EYA2: variants seen among roughly 807,000 people sequenced by gnomAD.
EYA2 encodes the protein EYA transcriptional coactivator and phosphatase 2.
A neutral mutation model predicts 69.2 loss-of-function variants in EYA2; 31 were observed. The observed-to-expected ratio is 0.45, with a 90% CI of 0.34 to 0.60. EYA2 has a LOEUF of 0.60. EYA2 is among the 20% of genes least tolerant of loss of function. EYA2 has a pLI of 0.02. For missense variants in EYA2, 622 were observed against 701.2 expected (o/e 0.89, Z 1.28); for synonymous variants, 257 against 279.4 (o/e 0.92, Z 0.80).
At chr20:47,168,804 G>C (rs911525312) in intron 10 of EYA2, among the ~76,000 whole-genome samples, 1 of 152,178 alleles carries the variant, frequency 6.6e-6, no homozygotes, top group Non-Finnish European at 1.5e-5. Flanking sequence ...TTGGGAAGCT[G>C]GGGACCTAGG....
At chr20:47,073,810 C>T (rs919679066) in intron 6 of EYA2, among the ~76,000 whole-genome samples, 1 of 152,070 alleles carries the variant, frequency 6.6e-6, no homozygotes, top group African/African-American at 2.4e-5. Context: ...CCCCTCCACT[C>T]CCTTGACCCG....
chr20:47,085,245 G>C (rs928726955), intron 7 of EYA2, among the ~76,000 whole-genome samples: 3 of 152,122 alleles, frequency 2.0e-5, no homozygotes, highest in Non-Finnish European at 4.4e-5. Context: ...AATGTTCATA[G>C]CAGCCTTATT....
intron 5 of EYA2, among the ~76,000 whole-genome samples, chr20:47,017,685 G>A (rs1983493650): frequency 6.6e-6 from 1 of 152,118 alleles, no homozygotes; most frequent in Non-Finnish European, 1.5e-5. Flanking sequence ...CCATGAGCCA[G>A]CCTTGACCAA....
intron 4 of EYA2, among the ~76,000 whole-genome samples, chr20:47,008,930 T>C (rs1444898383): frequency 6.6e-6 from 1 of 152,240 alleles, no homozygotes; most frequent in Non-Finnish European, 1.5e-5. Context: ...GTAAATACTT[T>C]CTACTTTGTG....
chr20:46,932,206 C>T (rs1269053157), intron 1 of EYA2, among the ~76,000 whole-genome samples: 2 of 152,016 alleles, frequency 1.3e-5, no homozygotes, highest in Admixed American at 1.3e-4. Flanking sequence ...CCCCCATCCC[C>T]GGGTTTGCAC....
rs531002107 is a variant in EYA2 at position 46,988,134 on chromosome 20, T to C, written c.-10-1867T>C. Among the ~76,000 whole-genome samples the C allele has an allele frequency of 4.0e-5, 6 of 149,196 alleles. No individual in the cohort carries two copies. The South Asian group carries it at 1.3e-3, about 32-fold the overall frequency. ...GATTTAAAGTATATGGGAGGATGTATGTGGGTTATATGCAAATACTCTACC... is the reference window on the plus strand; with the variant it reads ...GATTTAAAGTATATGGGAGGATGTACGTGGGTTATATGCAAATACTCTACC... On this transcript the variant is annotated intron_variant, in intron 1 of 15. Transcript: ENST00000327619.
intron 5 of EYA2, among the ~76,000 whole-genome samples, chr20:47,054,615 C>G (rs2146441401): frequency 6.6e-6 from 1 of 152,182 alleles, no homozygotes; most frequent in Non-Finnish European, 1.5e-5. Flanking sequence ...CCCTCTTTGC[C>G]CAGCACCCAA....
chr20:47,100,982 G>A (rs547883451), intron 9 of EYA2, among the ~76,000 whole-genome samples: 1 of 152,324 alleles, frequency 6.6e-6, no homozygotes, highest in African/African-American at 2.4e-5. Flanking sequence ...ATAAATCATA[G>A]CTTACCCCCA....
chr20:47,039,302 A>G (rs1019521847), intron 5 of EYA2, among the ~76,000 whole-genome samples: 3 of 152,212 alleles, frequency 2.0e-5, no homozygotes, highest in Admixed American at 6.5e-5. Context: ...AAAGAAGAAT[A>G]ATATTTCATG....
chr20:47,025,035 A>G (rs1324371039), intron 5 of EYA2, among the ~76,000 whole-genome samples: 1 of 152,158 alleles, frequency 6.6e-6, no homozygotes, highest in African/African-American at 2.4e-5. Context: ...TGGGAGAACT[A>G]ATTTTGCAAT....
chr20:47,068,950 C>CT (rs747967628), intron 5 of EYA2, among the ~76,000 whole-genome samples: 2 of 152,194 alleles, frequency 1.3e-5, no homozygotes, highest in Non-Finnish European at 2.9e-5. Flanking sequence ...GCGGTTGCTG[C>CT]TTTAAAACCT....
chr20:46,962,383 G>A (rs1979528981), intron 1 of EYA2, among the ~76,000 whole-genome samples: 1 of 152,070 alleles, frequency 6.6e-6, no homozygotes, highest in Non-Finnish European at 1.5e-5. Context: ...GAGGTGATAG[G>A]TATGCTAATT....
rs60383949 is a variant in EYA2, at chr20:47,078,331, GCACACACACA to G, written c.661+4019_661+4028del. ...CACATGTGCACGTGCGCGCGCGCGCGCACACACACACACACACACACACACACACACATTC... is the reference window on the plus strand; with the variant it reads ...CACATGTGCACGTGCGCGCGCGCGCGCACACACACACACACACACACATTC... On this transcript the variant is annotated intron_variant, in intron 7 of 15. Transcript: ENST00000327619. 3.0e-3 allele frequency among the ~76,000 whole-genome samples: 376 copies of G among 123,830 alleles called. 1 individual carries two copies. The highest frequency in any genetic ancestry group is 9.9e-3 in the African/African-American group (352 of 35,612). 81.2% of individuals were successfully genotyped at this position (123,830 alleles called of 152,430 possible).
chr20:47,123,861 A>G (rs1262798789), intron 9 of EYA2, among the ~76,000 whole-genome samples: 4 of 152,016 alleles, frequency 2.6e-5, no homozygotes, highest in Admixed American at 2.0e-4. Context: ...ACCTGGTGGC[A>G]CACACCTGTA....
At chr20:47,118,321 C>T (rs1160281146) in intron 9 of EYA2, among the ~76,000 whole-genome samples, 1 of 152,144 alleles carries the variant, frequency 6.6e-6, no homozygotes, top group South Asian at 2.1e-4. Context: ...TTGGGCTTCT[C>T]CAGCAGTGAT....
intron 9 of EYA2, among the ~76,000 whole-genome samples, chr20:47,098,390 A>G (rs1338542331): frequency 6.6e-6 from 1 of 152,208 alleles, no homozygotes; most frequent in East Asian, 1.9e-4. Flanking sequence ...GGTTTTCCTA[A>G]CCACTCCTGT....
Position 47,172,867 on chromosome 20 carries a change from G to A in EYA2, c.1198G>A (p.Gly400Arg). ...MYNTYKNNVGGLIGTPKRETW... is the reference protein window; with the variant it reads ...MYNTYKNNVGRLIGTPKRETW... Reference sequence around the variant, plus strand: ...CAATACCTACAAGAACAACGTTGGTGGTGAGTACTGTGAGCCTTGGGCCTC... The same window carrying A: ...CAATACCTACAAGAACAACGTTGGTAGTGAGTACTGTGAGCCTTGGGCCTC... Residue 400 changes from glycine (G) to arginine (R), a missense_variant and splice_region_variant, in exon 12 of 16, where the codon GGG (glycine) becomes AGG (arginine). Physicochemically the swap from Gly to Arg is moderately radical, Grantham distance 125 (BLOSUM62 -2). Transcript: ENST00000327619. 6.2e-7 allele frequency: 1 copy of A among 1,609,178 alleles called. No homozygotes were observed. Among genetic ancestry groups the A allele is most frequent in the Non-Finnish European group, 8.5e-7 (1 of 1,177,212 alleles).
intron 9 of EYA2, among the ~76,000 whole-genome samples, chr20:47,109,261 C>A (rs896534643): frequency 2.0e-5 from 3 of 152,038 alleles, no homozygotes; most frequent in African/African-American, 7.2e-5. Context: ...CACTCACTAT[C>A]AATTTTATTA....
At chr20:46,994,864 A>G (rs1052057933) in intron 2 of EYA2, among the ~76,000 whole-genome samples, 1 of 151,598 alleles carries the variant, frequency 6.6e-6, no homozygotes, top group Non-Finnish European at 1.5e-5. Flanking sequence ...TTTCTGGCGT[A>G]TATTCAGACC....
Sources: gnomAD v4.1 joint callset for allele counts (sites outside exome capture counted in the v4.1 genomes callset) on GRCh38, gnomAD v4.1.1 for gene constraint, MANE v1.5 for transcripts, NCBI Gene and HGNC (gene_info 2026-07-23, HGNC 2026-07-21) for gene names.